TP63: variants seen among roughly 807,000 people sequenced by gnomAD.
TP63 encodes tumor protein 63.
A neutral mutation model predicts 82.8 loss-of-function variants in TP63; 17 were observed. The observed-to-expected ratio is 0.21, with a 90% CI of 0.14 to 0.31. The LOEUF (loss-of-function observed/expected upper bound fraction) is 0.31, where lower values mean the gene tolerates loss of function less well. Among genes scored for constraint, TP63 ranks in the 10% least tolerant of loss-of-function variants. The pLI is 1.00. For synonymous variants in TP63, 330 were observed against 321.7 expected (o/e 1.03, Z -0.28); for missense variants, 648 against 895.3 (o/e 0.72, Z 3.52).
intron 1 of TP63, among the ~76,000 whole-genome samples, chr3:189,688,929 C>T (rs1716666599): frequency 6.6e-6 from 1 of 151,884 alleles, no homozygotes; most frequent in Non-Finnish European, 1.5e-5. Context: ...GTATTCATTC[C>T]TCACTTTACA....
In TP63 at chr3:189,759,378, A is replaced by T. The variant is rs368304647; in HGVS notation, c.324+20604A>T. On this transcript the variant is annotated intron_variant, in intron 3 of 13. Transcript: ENST00000264731. ...GAGGGGACAGAACTCGGGCTTTGGGAAGTGACTAACCTGTCAAGGAAGAGG... is the reference window on the plus strand; with the variant it reads ...GAGGGGACAGAACTCGGGCTTTGGGTAGTGACTAACCTGTCAAGGAAGAGG... 5.9e-5 allele frequency among the ~76,000 whole-genome samples: 9 copies of T among 152,140 alleles called. No homozygotes were observed. The East Asian group carries it at 9.6e-4, about 16-fold the overall frequency.
At position 189,732,054 on chromosome 3, in the gene TP63, A is replaced by T. The variant is rs1720210347; in HGVS notation, c.63-5686A>T. ...TTTTCTTTCCTTTTTATTTTTAAGA[A>T]ACAGACACTTTCTTTAACTGGACTT... On this transcript the variant is annotated intron_variant, in intron 1 of 13. Coordinates refer to ENST00000264731, the MANE Select transcript of TP63 (RefSeq NM_003722.5). 3.3e-5 allele frequency among the ~76,000 whole-genome samples: 5 copies of T among 152,356 alleles called. No individual in the cohort carries two copies. In the South Asian group the frequency reaches 1.0e-3, roughly 32 times the overall value.
At chr3:189,878,595 T>C (rs1378208883) in intron 10 of TP63, among the ~76,000 whole-genome samples, 1 of 12,596 alleles carries the variant, frequency 7.9e-5, no homozygotes, top group Non-Finnish European at 3.1e-4. Flanking sequence ...TTTTTTTTCT[T>C]TTTTTTTTTT....
At chr3:189,824,678 C>T (rs1729149886) in intron 4 of TP63, among the ~76,000 whole-genome samples, 3 of 152,120 alleles carry the variant, frequency 2.0e-5, no homozygotes, top group Admixed American at 2.0e-4. Context: ...ACATCTGTGC[C>T]TAGATCACAA....
At chr3:189,781,191 A>G (rs1177411816) in intron 3 of TP63, among the ~76,000 whole-genome samples, 1 of 152,194 alleles carries the variant, frequency 6.6e-6, no homozygotes, top group Non-Finnish European at 1.5e-5. Flanking sequence ...AAAAATATAG[A>G]TAGCTACAGA....
chr3:189,774,157 C>T (rs140632093), intron 3 of TP63, among the ~76,000 whole-genome samples: 30,848 of 151,086 alleles, frequency 0.2, 4,002 homozygotes, highest in South Asian at 0.3. Context: ...CTCCTGATCT[C>T]GTGATCCGCC....
At chr3:189,696,159 A>G (rs534166944) in intron 1 of TP63, among the ~76,000 whole-genome samples, 18 of 152,244 alleles carry the variant, frequency 1.2e-4, no homozygotes, top group African/African-American at 3.6e-4. Context: ...TACCATACAG[A>G]AGATTTTCAC....
chr3:189,888,829 G>A (rs1720724173), intron 11 of TP63, among the ~76,000 whole-genome samples: 1 of 152,144 alleles, frequency 6.6e-6, no homozygotes, highest in Admixed American at 6.5e-5. Context: ...ATTGAAGTCA[G>A]TCTCCCTATT....
intron 1 of TP63, among the ~76,000 whole-genome samples, chr3:189,734,731 T>C (rs1039102473): frequency 6.6e-6 from 1 of 152,154 alleles, no homozygotes; most frequent in Non-Finnish European, 1.5e-5. Flanking sequence ...TGAAAACCTT[T>C]ATATCTGTAC....
At chr3:189,846,107 A>G (rs1714830577) in intron 4 of TP63, among the ~76,000 whole-genome samples, 1 of 151,988 alleles carries the variant, frequency 6.6e-6, no homozygotes, top group African/African-American at 2.4e-5. Flanking sequence ...GTAGGGTCCT[A>G]GTCACTGGAA....
chr3:189,894,497 G>A lies in TP63; in HGVS notation c.2038G>A (p.Glu680Lys). The A allele has an allele frequency of 6.2e-7, 1 of 1,613,086 alleles. No homozygotes were observed. The highest frequency in any genetic ancestry group is 8.5e-7 in the Non-Finnish European group (1 of 1,179,996). ...GCAACAGCGCATCAAAGAGGAGGGG[G>A]AGTGAGCCTCACCATGTGAGCTCTT... ...NKQQRIKEEG[E>K] The change falls in exon 14 of 14, where the codon GAG becomes AAG. Residue 680 changes from glutamate (E) to lysine (K), a missense_variant. By Grantham distance (56) the Glu-to-Lys change is moderately conservative. Around this residue, in one of 5 missense-constraint regions of TP63, gnomAD observed 342 missense variants for 425.7 expected, o/e 0.80. Transcript: ENST00000264731.
At chr3:189,742,292 G>A (rs1029158987) in intron 3 of TP63, among the ~76,000 whole-genome samples, 1 of 141,648 alleles carries the variant, frequency 7.1e-6, no homozygotes, top group Non-Finnish European at 1.5e-5. Context: ...TCCCATCTTT[G>A]TATTATTCAT....
intron 3 of TP63, among the ~76,000 whole-genome samples, chr3:189,791,372 TGTC>T (rs1214280469): frequency 2.6e-5 from 4 of 152,242 alleles, no homozygotes; most frequent in African/African-American, 7.2e-5. Context: ...TTAAATATAA[TGTC>T]GTGAAAGAAA....
chr3:189,693,680 A>T (rs562315831), intron 1 of TP63, among the ~76,000 whole-genome samples: 4 of 152,328 alleles, frequency 2.6e-5, no homozygotes, highest in African/African-American at 7.2e-5. Context: ...ATTTGAATAT[A>T]TACGGCTATA....
At chr3:189,815,196 C>A (rs1382053669) in intron 4 of TP63, among the ~76,000 whole-genome samples, 1 of 148,646 alleles carries the variant, frequency 6.7e-6, no homozygotes, top group South Asian at 2.1e-4. Context: ...TTTTTTTTTA[C>A]TATAGCTTCA....
chr3:189,748,496 C>A (rs1362500223), intron 3 of TP63, among the ~76,000 whole-genome samples: 1 of 13,500 alleles, frequency 7.4e-5, no homozygotes, highest in Non-Finnish European at 1.4e-4. Flanking sequence ...AATATCTCTA[C>A]AAGGAAAACT....
chr3:189,829,903 G>A (rs1421651943), intron 4 of TP63: 2 of 389,788 alleles, frequency 5.1e-6, no homozygotes, highest in Non-Finnish European at 1.0e-5. Flanking sequence ...CAATTTTTCT[G>A]CAGTAAATTT....
intron 1 of TP63, among the ~76,000 whole-genome samples, chr3:189,718,773 G>T (rs1002051540): frequency 6.6e-6 from 1 of 151,892 alleles, no homozygotes; most frequent in Non-Finnish European, 1.5e-5. Flanking sequence ...TGGGGGTAGA[G>T]AACCTATACA....
Position 189,895,205 on chromosome 3 carries a change from G to A in TP63, c.*703G>A. 4.5e-6 allele frequency: 1 copy of A among 221,352 alleles called. No homozygotes were observed. Among genetic ancestry groups the A allele is most frequent in the Non-Finnish European group, 9.0e-6 (1 of 110,694 alleles). 13.7% of individuals were successfully genotyped at this position (221,352 alleles called of 1,614,324 possible). A position where few individuals can be genotyped will look rare whatever the true frequency, so the allele number is the denominator to read the frequency against. ...TATTACTGACATTTCTTCTAGTGATGATGGTTCACGTTGGGGTGATTTAAT... is the reference window on the plus strand; with the variant it reads ...TATTACTGACATTTCTTCTAGTGATAATGGTTCACGTTGGGGTGATTTAAT... On this transcript the variant is annotated 3_prime_UTR_variant, in exon 14 of 14. Transcript: ENST00000264731.
Sources: allele counts gnomAD v4.1 joint callset (sites outside exome capture counted in the v4.1 genomes callset), GRCh38; gene constraint gnomAD v4.1.1; regional missense constraint gnomAD v4.1.1; transcripts MANE v1.5; gene names NCBI Gene and HGNC (gene_info 2026-07-23, HGNC 2026-07-21).